Variants in CNTNAP5 observed in about 807,000 individuals in gnomAD.
CNTNAP5 encodes contactin associated protein family member 5.
A neutral mutation model predicts 150.2 loss-of-function variants in CNTNAP5; 72 were observed. The ratio of observed to expected loss-of-function variants is 0.48; its 90% CI spans 0.40 to 0.58. The LOEUF (loss-of-function observed/expected upper bound fraction) is 0.58. Among genes scored for constraint, CNTNAP5 ranks in the 20% least tolerant of loss-of-function variants. The pLI, the probability that CNTNAP5 is intolerant of heterozygous loss-of-function variation, is 0.00. For missense variants in CNTNAP5, 1,636 were observed against 1,626.2 expected, an observed-to-expected ratio of 1.01 and a Z score of -0.10; for synonymous variants, 672 against 619.8, an observed-to-expected ratio of 1.08 and a Z score of -1.25.
intron 1 of CNTNAP5, among the ~76,000 whole-genome samples, chr2:124,164,442 C>G (rs970355963): frequency 6.6e-6 from 1 of 152,056 alleles, no homozygotes; most frequent in Non-Finnish European, 1.5e-5. Flanking sequence ...AGAAATAAAC[C>G]CAGCTAAGTG....
intron 14 of CNTNAP5, among the ~76,000 whole-genome samples, chr2:124,754,646 C>A (rs144916163): frequency 4.6e-5 from 7 of 152,236 alleles, no homozygotes; most frequent in African/African-American, 1.7e-4. Context: ...TAACTTGATA[C>A]TGGCTTCCTT....
At chr2:124,653,169 C>G (rs1678358402) in intron 13 of CNTNAP5, among the ~76,000 whole-genome samples, 1 of 152,160 alleles carries the variant, frequency 6.6e-6, no homozygotes. Flanking sequence ...TTCATTCATG[C>G]AGCTGAGAGT....
At chr2:124,236,779 A>G (rs1311785907) in intron 2 of CNTNAP5, among the ~76,000 whole-genome samples, 2 of 152,046 alleles carry the variant, frequency 1.3e-5, no homozygotes, top group African/African-American at 4.8e-5. Context: ...CTTGTTTCCT[A>G]TAGGGTTTAT....
intron 1 of CNTNAP5, among the ~76,000 whole-genome samples, chr2:124,170,257 TG>T (rs1205687065): frequency 1.1e-4 from 3 of 27,526 alleles, no homozygotes; most frequent in East Asian, 4.9e-4. Context: ...TATATGTTTT[TG>T]TTTTTGTTTT....
intron 5 of CNTNAP5, among the ~76,000 whole-genome samples, chr2:124,442,570 G>A (rs1692700770): frequency 6.6e-6 from 1 of 152,166 alleles, no homozygotes; most frequent in South Asian, 2.1e-4. Context: ...TCAGTTGAAA[G>A]TACTTAGGGA....
chr2:124,707,140 G>GGAAGAAGGAGAAGAAGAAGAAGAA lies in CNTNAP5; in HGVS notation c.2078-40082_2078-40081insGAGAAGAAGAAGAAGAAGAAGAAG, dbSNP rs1679697594. 2.3e-5 allele frequency among the ~76,000 whole-genome samples: 2 copies of GGAAGAAGGAGAAGAAGAAGAAGAA among 86,380 alleles called. 1 individual carries two copies. Among genetic ancestry groups the GGAAGAAGGAGAAGAAGAAGAAGAA allele is most frequent in the Admixed American group, 2.3e-4 (2 of 8,656 alleles). 56.7% of individuals were successfully genotyped at this position (86,380 alleles called of 152,430 possible). A position where few individuals can be genotyped will look rare whatever the true frequency, so the allele number is the denominator to read the frequency against. ...AGAAGAAGAAAGAAGAAGAAGAAGA[G>GGAAGAAGGAGAAGAAGAAGAAGAA]GAAGAAGAAGAAGAAGAAGAAGAAG... On this transcript the variant is annotated intron_variant, in intron 13 of 23. Transcript: ENST00000682447.
chr2:124,185,300 A>C (rs949397399), intron 1 of CNTNAP5, among the ~76,000 whole-genome samples: 5 of 152,144 alleles, frequency 3.3e-5, no homozygotes, highest in Non-Finnish European at 7.3e-5. Flanking sequence ...TTGGCTTGTG[A>C]ACTCATATTG....
At position 124,417,953 on chromosome 2, in the gene CNTNAP5, G is replaced by T. The variant is rs375358593; in HGVS notation, c.529+363G>T. ...GCCCTGCTTTCCCAGAGCTATGAGA[G>T]AAAAGCATTCACCTTCTTGACTTGT... On this transcript the variant is annotated intron_variant, in intron 4 of 23. Transcript: ENST00000682447. Among the ~76,000 whole-genome samples, 41 of 152,290 alleles carry T rather than the reference G, an allele frequency of 2.7e-4. 1 individual carries two copies. The East Asian group carries it at 4.6e-3, about 17-fold the overall frequency.
At chr2:124,683,674 C>T (rs190280767) in intron 13 of CNTNAP5, among the ~76,000 whole-genome samples, 218 of 152,120 alleles carry the variant, frequency 1.4e-3, no homozygotes, top group African/African-American at 4.9e-3. Flanking sequence ...TTTTCTGTTC[C>T]GTTAATCACT....
intron 3 of CNTNAP5, among the ~76,000 whole-genome samples, chr2:124,408,088 G>A (rs1480141347): frequency 6.6e-6 from 1 of 152,228 alleles, no homozygotes; most frequent in African/African-American, 2.4e-5. Context: ...AAGGGGTCAG[G>A]GAGTTCCCTT....
At chr2:124,034,499 G>A (rs1455350741) in intron 1 of CNTNAP5, among the ~76,000 whole-genome samples, 1 of 152,186 alleles carries the variant, frequency 6.6e-6, no homozygotes, top group Non-Finnish European at 1.5e-5. Context: ...TCACCTGGCA[G>A]AGAAATATCA....
chr2:124,124,615 A>G (rs991609782), intron 1 of CNTNAP5, among the ~76,000 whole-genome samples: 2 of 152,190 alleles, frequency 1.3e-5, no homozygotes, highest in Non-Finnish European at 2.9e-5. Context: ...TAATTGTCAG[A>G]TTCACCAAAG....
intron 11 of CNTNAP5, among the ~76,000 whole-genome samples, chr2:124,586,404 G>A (rs904013040): frequency 1.2e-4 from 18 of 152,256 alleles, no homozygotes; most frequent in East Asian, 3.9e-4. Flanking sequence ...ACTATCCAGC[G>A]GAGCCAGGAG....
chr2:124,697,961 G>T (rs963685753), intron 13 of CNTNAP5, among the ~76,000 whole-genome samples: 11 of 152,124 alleles, frequency 7.2e-5, no homozygotes, highest in African/African-American at 2.7e-4. Context: ...CCAGAGGGGA[G>T]ACAGAGGATG....
intron 1 of CNTNAP5, among the ~76,000 whole-genome samples, chr2:124,030,019 T>C (rs949114378): frequency 1.3e-5 from 2 of 152,120 alleles, no homozygotes; most frequent in African/African-American, 2.4e-5. Context: ...TAAGGGAAGG[T>C]TTCTTCATTC....
chr2:124,653,633 A>C (rs1422266364), intron 13 of CNTNAP5, among the ~76,000 whole-genome samples: 1 of 148,292 alleles, frequency 6.7e-6, no homozygotes, highest in African/African-American at 2.6e-5. Flanking sequence ...TAGAAATCTG[A>C]GTAAGGAATT....
Position 124,881,857 on chromosome 2 carries a change from A to G in CNTNAP5, c.3436+12095A>G, listed in dbSNP as rs142608092. On this transcript the variant is annotated intron_variant, in intron 21 of 23. Transcript: ENST00000682447. Reference sequence around the variant, plus strand: ...AAACATGGGCCTTTGTGCTTTGTCTATGCTTCTATGTGTTTCATAATACAC... The same window carrying G: ...AAACATGGGCCTTTGTGCTTTGTCTGTGCTTCTATGTGTTTCATAATACAC... 2.1e-3 allele frequency among the ~76,000 whole-genome samples: 314 copies of G among 152,086 alleles called. 1 individual carries two copies. Among genetic ancestry groups the G allele is most frequent in the African/African-American group, 7.0e-3 (292 of 41,510 alleles).
chr2:124,738,376 T>G (rs2105135015), intron 13 of CNTNAP5, among the ~76,000 whole-genome samples: 1 of 152,306 alleles, frequency 6.6e-6, no homozygotes, highest in South Asian at 2.1e-4. Flanking sequence ...TAAGAGTGTC[T>G]CAAAATGTTC....
intron 6 of CNTNAP5, among the ~76,000 whole-genome samples, chr2:124,457,381 A>AAATCTTCAC (rs1449638242): frequency 6.6e-6 from 1 of 152,258 alleles, no homozygotes; most frequent in Non-Finnish European, 1.5e-5. Context: ...GAGTGGGAGA[A>AAATCTTCAC]AATCTTCACA....
Sources: gnomAD v4.1 joint callset for allele counts (sites outside exome capture counted in the v4.1 genomes callset) on GRCh38, gnomAD v4.1.1 for gene constraint, MANE v1.5 for transcripts, NCBI Gene and HGNC (gene_info 2026-07-23, HGNC 2026-07-21) for gene names.